The following MYO9A variants were observed in gnomAD, a reference collection of about 807,000 sequenced individuals.
MYO9A encodes unconventional myosin-IXa.
In MYO9A, 103 loss-of-function variants were observed where a neutral mutation model predicts 293.3. The observed-to-expected ratio is 0.35, with a 90% CI of 0.30 to 0.41. The LOEUF is 0.41. Ranked by LOEUF, MYO9A falls within the 10% of genes least tolerant of loss-of-function variation. MYO9A has a pLI of 1.00. For synonymous variants in MYO9A, 1,001 were observed against 1,035.7 expected (o/e 0.97, Z 0.64); for missense variants, 2,685 against 3,033.0 (o/e 0.89, Z 2.69).
At chr15:71,827,764 G>C (rs2054566837) in intron 41 of MYO9A, 120 bp downstream of exon 41, 1 of 1,156,400 alleles carries the variant, frequency 8.6e-7, no homozygotes, top group East Asian at 2.5e-5. Context: ...AATTCCTCAA[G>C]ACTTTGTTAT....
intron 1 of MYO9A, among the ~76,000 whole-genome samples, chr15:72,050,704 A>T (rs151207516): frequency 1.4e-3 from 219 of 152,362 alleles, no homozygotes; most frequent in African/African-American, 4.6e-3. Context: ...GAGGAAATGC[A>T]GGTAATTCTG....
Position 71,973,028 on chromosome 15 carries a change from A to G in MYO9A, c.1845-4903T>C, listed in dbSNP as rs988458333. Among the ~76,000 whole-genome samples the G allele has an allele frequency of 2.0e-5, 3 of 152,196 alleles. No individual in the cohort carries two copies. In the South Asian group the frequency reaches 6.2e-4, roughly 32 times the overall value. On this transcript the variant is annotated intron_variant, in intron 12 of 41. Coordinates refer to ENST00000356056, the MANE Select transcript of MYO9A (RefSeq NM_006901.4). ...AATCCCTTAATTATTGTTATTTATA[A>G]TAGCTAAAATGAAATTTAAAGAGAG...
chr15:72,095,611 C>T (rs1174982619), intron 1 of MYO9A, among the ~76,000 whole-genome samples: 1 of 93,112 alleles, frequency 1.1e-5, no homozygotes, highest in African/African-American at 2.6e-5. Flanking sequence ...TGTGACAAAA[C>T]GGCCTTGTGT....
chr15:71,961,917 T>C (rs1364169127), intron 13 of MYO9A, among the ~76,000 whole-genome samples: 1 of 151,668 alleles, frequency 6.6e-6, no homozygotes, highest in East Asian at 1.9e-4. Context: ...AGAGACAGAG[T>C]CTTGCCATGT....
At position 72,117,692 on chromosome 15, in the gene MYO9A, C is replaced by T; in HGVS notation, c.-84G>A. ...GGGCGGGTCTTACCTCGGGCTCCGC[C>T]GCGGTGGCCACCGCAGCCCCCTCCT... is the stretch of plus-strand genomic sequence containing the variant. On this transcript the variant is annotated 5_prime_UTR_variant, in exon 1 of 42. Transcript: ENST00000356056. 2.5e-6 allele frequency: 1 copy of T among 396,852 alleles called. No individual in the cohort carries two copies. Among genetic ancestry groups the T allele is most frequent in the Non-Finnish European group, 4.4e-6 (1 of 225,186 alleles). 24.6% of individuals were successfully genotyped at this position (396,852 alleles called of 1,614,324 possible).
intron 19 of MYO9A, among the ~76,000 whole-genome samples, chr15:71,905,375 GCTTTA>G (rs1241022651): frequency 2.0e-5 from 3 of 152,068 alleles, no homozygotes; most frequent in African/African-American, 7.2e-5. Flanking sequence ...GTAAGCCCTT[GCTTTA>G]CTTTAAATGT....
chr15:71,893,667 C>T lies in MYO9A; in HGVS notation c.5142+12G>A, dbSNP rs2057242782. The stretch of plus-strand genomic sequence containing the variant: ...TGTATAGAAGATAGATAAACAAAAA[C>T]TCAAAACTTACCTCTCTTTGGCCTG... On this transcript the variant is annotated intron_variant, in intron 26 of 41. Coordinates refer to ENST00000356056, the MANE Select transcript of MYO9A (RefSeq NM_006901.4). 29 of 1,604,898 alleles carry T rather than the reference C, an allele frequency of 1.8e-5. No homozygotes were observed. Among genetic ancestry groups the T allele is most frequent in the Non-Finnish European group, 2.4e-5 (28 of 1,172,178 alleles).
chr15:71,829,059 C>T (rs10518971), intron 40 of MYO9A, among the ~76,000 whole-genome samples: 1,846 of 152,272 alleles, frequency 0.012, 56 homozygotes, highest in Admixed American at 0.057. Context: ...AGACTCTGCT[C>T]GTTCTTCTTT....
chr15:71,846,980 G>C (rs2055415934), intron 39 of MYO9A, among the ~76,000 whole-genome samples: 2 of 152,134 alleles, frequency 1.3e-5, no homozygotes, highest in South Asian at 4.2e-4. Flanking sequence ...GATATGAATG[G>C]ACAAATAAGC....
intron 1 of MYO9A, among the ~76,000 whole-genome samples, chr15:72,110,441 A>G (rs2080740866): frequency 1.3e-5 from 2 of 149,154 alleles, no homozygotes; most frequent in African/African-American, 5.0e-5. Flanking sequence ...ATCTCAAAAA[A>G]AAAAAAAAAA....
At chr15:71,971,583 CAAAAAAAAAG>C (rs1174518469) in intron 12 of MYO9A, among the ~76,000 whole-genome samples, 8 of 103,150 alleles carry the variant, frequency 7.8e-5, no homozygotes, top group South Asian at 6.7e-4. Flanking sequence ...GACACTGTCT[CAAAAAAAAAG>C]AAAAAAAAAG....
chr15:72,071,613 C>T (rs1026680907), intron 1 of MYO9A, among the ~76,000 whole-genome samples: 8 of 151,922 alleles, frequency 5.3e-5, no homozygotes, highest in Non-Finnish European at 1.2e-4. Flanking sequence ...TGGTAGCACA[C>T]GGCTGTAATC....
chr15:72,112,860 G>T (rs528681322), intron 1 of MYO9A, among the ~76,000 whole-genome samples: 2 of 152,246 alleles, frequency 1.3e-5, no homozygotes, highest in African/African-American at 4.8e-5. Context: ...AGTTACACTG[G>T]TATGTTCTTA....
chr15:71,891,258 G>A (rs2057168389), intron 26 of MYO9A: 1 of 152,200 alleles, frequency 6.6e-6, no homozygotes, highest in Admixed American at 6.5e-5. Flanking sequence ...GGCATGCAGT[G>A]ACCGTCAAGC....
At chr15:72,101,580 G>A (rs1400702022) in intron 1 of MYO9A, among the ~76,000 whole-genome samples, 3 of 127,600 alleles carry the variant, frequency 2.4e-5, no homozygotes, top group Admixed American at 7.5e-5. Flanking sequence ...CTGCCCGGCC[G>A]CCCCTACTGG....
chr15:71,906,199 T>A (rs1036816029), intron 19 of MYO9A, among the ~76,000 whole-genome samples: 3 of 152,202 alleles, frequency 2.0e-5, no homozygotes, highest in East Asian at 1.9e-4. Context: ...TGTATGATTT[T>A]AACTCAAAAT....
intron 8 of MYO9A, among the ~76,000 whole-genome samples, chr15:72,004,802 T>C (rs1596360828): frequency 1.3e-5 from 2 of 152,206 alleles, no homozygotes; most frequent in African/African-American, 2.4e-5. Context: ...ACATTCATTA[T>C]TGCCTCAGGT....
At chr15:71,847,954 A>C (rs758980177) in intron 39 of MYO9A, among the ~76,000 whole-genome samples, 4 of 152,268 alleles carry the variant, frequency 2.6e-5, no homozygotes, top group Non-Finnish European at 5.9e-5. Context: ...GCTAATTTGC[A>C]AACTGTGAAG....
chr15:71,979,511 TA>T (rs1348740533), intron 11 of MYO9A, among the ~76,000 whole-genome samples: 3 of 152,232 alleles, frequency 2.0e-5, no homozygotes, highest in Admixed American at 6.5e-5. Flanking sequence ...AAATAGTATC[TA>T]AATGGAATCA....
Sources: allele counts gnomAD v4.1 joint callset (sites outside exome capture counted in the v4.1 genomes callset), GRCh38; gene constraint gnomAD v4.1.1; transcripts MANE v1.5; gene names NCBI Gene and HGNC (gene_info 2026-07-23, HGNC 2026-07-21).